Variants in CORO1C observed in about 807,000 individuals in gnomAD.
CORO1C encodes the protein coronin 1C.
In CORO1C, 14 loss-of-function variants were observed where a neutral mutation model predicts 51.2. The observed-to-expected ratio is 0.27, with a 90% CI of 0.18 to 0.43. The LOEUF (loss-of-function observed/expected upper bound fraction) is 0.43. Among genes scored for constraint, CORO1C ranks in the 20% least tolerant of loss-of-function variants. The probability of loss-of-function intolerance (pLI) is 1.00; values close to 1 mark genes in which losing one functional copy is unlikely to be tolerated. For missense variants in CORO1C, 417 were observed against 607.8 expected (o/e 0.69, Z 3.30); for synonymous variants, 181 against 210.5 (o/e 0.86, Z 1.21).
chr12:108,680,247 C>T (rs2034076221), intron 2 of CORO1C, among the ~76,000 whole-genome samples: 1 of 152,134 alleles, frequency 6.6e-6, no homozygotes. Context: ...TGTGGGGTCA[C>T]AGTCTCTGGA....
rs957195961 is a variant in CORO1C, at chr12:108,730,663, A to G, written c.-6+766T>C. The G allele has an allele frequency of 4.6e-5, 7 of 152,910 alleles. No homozygotes were observed. The Admixed American group carries it at 4.6e-4, about 10-fold the overall frequency. 9.5% of individuals were successfully genotyped at this position (152,910 alleles called of 1,614,324 possible). A position where few individuals can be genotyped will look rare whatever the true frequency, so the allele number is the denominator to read the frequency against. On this transcript the variant is annotated intron_variant, in intron 1 of 10. Coordinates refer to ENST00000261401, the MANE Select transcript of CORO1C (RefSeq NM_014325.4). ...TTCACTCGGACACCCTGGGCCCCCG[A>G]TCCGACAGCCTTCCTGCTTCGTTCC... is the stretch of plus-strand genomic sequence containing the variant.
intron 1 of CORO1C, among the ~76,000 whole-genome samples, chr12:108,719,659 C>A (rs1022661366): frequency 1.3e-5 from 2 of 152,198 alleles, no homozygotes; most frequent in South Asian, 4.1e-4. Context: ...TGCAGACAAA[C>A]CTCCACCTTC....
At chr12:108,682,929 C>T (rs1009142964) in intron 2 of CORO1C, among the ~76,000 whole-genome samples, 2 of 152,038 alleles carry the variant, frequency 1.3e-5, no homozygotes, top group African/African-American at 4.8e-5. Context: ...TTTTAAAAAT[C>T]ATAATGGATA....
chr12:108,645,991 C>G lies in CORO1C; in HGVS notation c.*1412G>C, dbSNP rs1321077446. On this transcript the variant is annotated 3_prime_UTR_variant, in exon 11 of 11. Coordinates refer to ENST00000261401, the MANE Select transcript of CORO1C (RefSeq NM_014325.4). Reference sequence around the variant, plus strand: ...TCTGGCCCCCTCCGAGTCCGGGGAGCCTCTGTGCTTTGACGCAGCCTTGGT... The same window carrying G: ...TCTGGCCCCCTCCGAGTCCGGGGAGGCTCTGTGCTTTGACGCAGCCTTGGT... 2.0e-5 allele frequency: 3 copies of G among 152,192 alleles called. No individual in the cohort carries two copies. Among genetic ancestry groups the G allele is most frequent in the Non-Finnish European group, 4.4e-5 (3 of 68,042 alleles). The allele number at this position is 152,192 out of a possible 1,614,324, so 9.4% of individuals were successfully genotyped here. A position where few individuals can be genotyped will look rare whatever the true frequency, so the allele number is the denominator to read the frequency against.
chr12:108,657,933 G>A (rs535556794), intron 5 of CORO1C, among the ~76,000 whole-genome samples: 2 of 152,176 alleles, frequency 1.3e-5, no homozygotes, highest in South Asian at 4.1e-4. Flanking sequence ...AGTCCCCAGG[G>A]CTCAGTAAGC....
intron 1 of CORO1C, among the ~76,000 whole-genome samples, chr12:108,718,344 G>A (rs2035389776): frequency 6.6e-6 from 1 of 151,064 alleles, no homozygotes; most frequent in Non-Finnish European, 1.5e-5. Context: ...CTCCAGCCTG[G>A]GCGACAAGAG....
intron 3 of CORO1C, among the ~76,000 whole-genome samples, chr12:108,672,731 G>A (rs890473456): frequency 2.0e-5 from 3 of 151,602 alleles, no homozygotes; most frequent in South Asian, 2.1e-4. Flanking sequence ...TTCCAACAGC[G>A]TATGTTCACT....
chr12:108,651,999 T>G (rs915681698), intron 8 of CORO1C: 19 of 246,710 alleles, frequency 7.7e-5, no homozygotes. Flanking sequence ...CACTCCTGCC[T>G]GGGCAACAGA....
intron 6 of CORO1C, among the ~76,000 whole-genome samples, chr12:108,655,441 A>AGCTGGAC (rs1274434563): frequency 6.7e-6 from 1 of 149,964 alleles, no homozygotes; most frequent in African/African-American, 2.5e-5. Flanking sequence ...GCCGAGCCGA[A>AGCTGGAC]GCTGGACGCT....
chr12:108,676,869 C>A (rs937134592), intron 3 of CORO1C, among the ~76,000 whole-genome samples: 1 of 151,942 alleles, frequency 6.6e-6, no homozygotes, highest in East Asian at 1.9e-4. Context: ...TTTAGCAAGG[C>A]ACATTAAACA....
intron 8 of CORO1C, 95 bp from the exon 9 acceptor site, chr12:108,649,115 G>T: frequency 7.0e-7 from 1 of 1,432,198 alleles, no homozygotes; most frequent in Non-Finnish European, 9.7e-7. Context: ...TGTCTGAAAT[G>T]TCAAGTGCTT....
intron 8 of CORO1C, among the ~76,000 whole-genome samples, chr12:108,650,671 G>C (rs1384752031): frequency 2.0e-5 from 3 of 152,182 alleles, no homozygotes; most frequent in East Asian, 3.8e-4. Context: ...GTTATGAAAA[G>C]AAAGAGGTAG....
At chr12:108,690,510 T>A (rs1326089279) in intron 2 of CORO1C, among the ~76,000 whole-genome samples, 1 of 152,244 alleles carries the variant, frequency 6.6e-6, no homozygotes, top group Non-Finnish European at 1.5e-5. Flanking sequence ...ATAGACCATA[T>A]TTTAAAATCA....
At chr12:108,660,588 T>G (rs191192857) in intron 4 of CORO1C, among the ~76,000 whole-genome samples, 241 of 152,208 alleles carry the variant, frequency 1.6e-3, no homozygotes, top group Middle Eastern at 6.8e-3. Flanking sequence ...ACAGGTAACT[T>G]CAGCCCCGGC....
intron 1 of CORO1C, chr12:108,702,766 G>T: frequency 1.3e-6 from 2 of 1,484,786 alleles, no homozygotes; most frequent in Non-Finnish European, 1.8e-6. Flanking sequence ...AATGCAGAGA[G>T]ACGAATTTAT....
chr12:108,704,062 T>C (rs1042266170), intron 1 of CORO1C, among the ~76,000 whole-genome samples: 2 of 152,250 alleles, frequency 1.3e-5, no homozygotes, highest in African/African-American at 4.8e-5. Flanking sequence ...TTCACTCAAA[T>C]AGGCCAGATA....
intron 2 of CORO1C, among the ~76,000 whole-genome samples, chr12:108,690,790 T>C (rs529388141): frequency 3.2e-4 from 48 of 152,164 alleles, no homozygotes; most frequent in Non-Finnish European, 6.2e-4. Context: ...TAGAATCTAG[T>C]TAAAATAAAA....
At chr12:108,696,070 C>T (rs1169638760) in intron 2 of CORO1C, among the ~76,000 whole-genome samples, 1 of 152,050 alleles carries the variant, frequency 6.6e-6, no homozygotes, top group African/African-American at 2.4e-5. Flanking sequence ...AACAAAGGAG[C>T]CCATGGGAGA....
At chr12:108,648,484 T>C in intron 10 of CORO1C, 121 bp downstream of exon 10, 1 of 1,350,654 alleles carries the variant, frequency 7.4e-7, no homozygotes. Context: ...CACTTTTTCA[T>C]TTACTGAAAA....
Sources: gnomAD v4.1 joint callset for allele counts (sites outside exome capture counted in the v4.1 genomes callset) on GRCh38, gnomAD v4.1.1 for gene constraint, MANE v1.5 for transcripts, NCBI Gene and HGNC (gene_info 2026-07-23, HGNC 2026-07-21) for gene names.